Variants in CCNI2 observed in about 807,000 individuals in gnomAD.
CCNI2 encodes cyclin I family member 2, also known as cyclin-I2.
CCNI2 carries 32 observed loss-of-function variants against 33.2 expected under a neutral mutation model. The observed-to-expected ratio is 0.96, with a 90% CI of 0.73 to 1.30. The LOEUF (loss-of-function observed/expected upper bound fraction) is 1.30, where lower values mean the gene tolerates loss of function less well. Ranked by LOEUF, CCNI2 falls within the 50% of genes most tolerant of loss-of-function variation. The probability of loss-of-function intolerance (pLI) is 0.00; values close to 1 mark genes in which losing one functional copy is unlikely to be tolerated. For synonymous variants in CCNI2, 231 were observed against 219.9 expected (o/e 1.05, Z -0.45); for missense variants, 452 against 486.2 (o/e 0.93, Z 0.66).
Position 132,752,114 on chromosome 5 carries a change from C to T in CCNI2, c.923C>T (p.Ala308Val). The T allele has an allele frequency of 1.3e-6, 2 of 1,598,672 alleles. No individual in the cohort carries two copies. The highest frequency in any genetic ancestry group is 1.7e-6 in the Non-Finnish European group (2 of 1,172,224). ...CTGCAGTTCAAGGGCTCCACACTGGCCTTGGTCATCATCACCTTAGAGCTG... is the reference window on the plus strand; with the variant it reads ...CTGCAGTTCAAGGGCTCCACACTGGTCTTGGTCATCATCACCTTAGAGCTG... The part of the protein sequence containing the change: ...QLLQFKGSTL[A>V]LVIITLELER... Residue 308 changes from alanine (A) to valine (V), a missense_variant, in exon 5 of 6, where the codon GCC (alanine) becomes GTC (valine). Physicochemically the swap from Ala to Val is moderately conservative, Grantham distance 64. Transcript: ENST00000378731.
At chr5:132,748,059 G>A (rs933859250) in intron 1 of CCNI2, 135 bp downstream of exon 1, 3 of 1,037,068 alleles carry the variant, frequency 2.9e-6, no homozygotes, top group South Asian at 3.9e-5. Context: ...CGAGAGGCAC[G>A]AGGCTGGATC....
chr5:132,750,736 T>C (rs1561726443), intron 3 of CCNI2, 121 bp from the exon 4 acceptor site: 3 of 996,420 alleles, frequency 3.0e-6, no homozygotes, highest in Admixed American at 5.0e-5. Flanking sequence ...AAGCATTTTC[T>C]GTGGCAGGCC....
chr5:132,748,456 G>T lies in CCNI2; in HGVS notation c.539G>T (p.Arg180Leu), dbSNP rs201156649. The change falls in exon 2 of 6, where the codon CGC becomes CTC. Residue 180 changes from arginine to leucine, a missense_variant. Coordinates refer to ENST00000378731, the MANE Select transcript of CCNI2 (RefSeq NM_001039780.4). Reference protein sequence around the residue: ...TFNLALTIFGRLLISVKVKEK... With the variant: ...TFNLALTIFGLLLISVKVKEK... ...AACCTGGCCCTCACCATCTTTGGCC[G>T]CCTCCTGATTTCAGTGAAGGTAGGG... 4 of 1,614,108 alleles carry T rather than the reference G, an allele frequency of 2.5e-6. No homozygotes were observed. In the East Asian group the frequency reaches 6.7e-5, roughly 27 times the overall value.
intron 4 of CCNI2, 111 bp downstream of exon 4, chr5:132,751,108 C>A (rs765926958): frequency 3.0e-5 from 37 of 1,253,422 alleles, no homozygotes; most frequent in Non-Finnish European, 4.1e-5. Context: ...CTTGCACATG[C>A]ACCACAGTGA....
downstream of CCNI2, among the ~76,000 whole-genome samples, chr5:132,755,286 C>T (rs1489685375): frequency 6.6e-6 from 1 of 152,158 alleles, no homozygotes; most frequent in Non-Finnish European, 1.5e-5. Context: ...TTCTTTTCAC[C>T]AGTCTGCTCT....
In CCNI2 at chr5:132,747,803, C is replaced by G; in HGVS notation, c.308C>G (p.Pro103Arg). The G allele has an allele frequency of 6.8e-7, 1 of 1,478,764 alleles. No individual in the cohort carries two copies. The highest frequency in any genetic ancestry group is 8.9e-7 in the Non-Finnish European group (1 of 1,122,502). 91.6% of individuals were successfully genotyped at this position (1,478,764 alleles called of 1,614,324 possible). A position where few individuals can be genotyped will look rare whatever the true frequency, so the allele number is the denominator to read the frequency against. ...GCCGCCCCAGAGCAAGCTCCGCGGC[C>G]GGCTCCACAGTCCCGCAAGCCGCGC... is the stretch of plus-strand genomic sequence containing the variant. ...PAAAPEQAPR[P>R]APQSRKPRNL... Residue 103 changes from proline to arginine, a missense_variant, in exon 1 of 6, where the codon CCG (proline) becomes CGG (arginine). Pro to Arg is a moderately radical substitution (Grantham distance 103). Transcript: ENST00000378731. This position sits in a 1 kb window ranked among gnomAD's most constrained non-coding sequence, Gnocchi z 4.1.
At position 132,754,324 on chromosome 5, in the gene CCNI2, T is replaced by C. The variant is rs1755139119; in HGVS notation, c.*1354T>C. On this transcript the variant is annotated 3_prime_UTR_variant, in exon 6 of 6. Coordinates refer to ENST00000378731, the MANE Select transcript of CCNI2 (RefSeq NM_001039780.4). ...AGGCCATGCTGCTCACAGCTTCCAG[T>C]GGTGGCCGTTGAGTGCCCTCTGCCT... 1 of 699,328 alleles carries C rather than the reference T, an allele frequency of 1.4e-6. No homozygotes were observed. Among genetic ancestry groups the C allele is most frequent in the Non-Finnish European group, 2.7e-6 (1 of 375,856 alleles). The allele number at this position is 699,328 out of a possible 1,614,324, so 43.3% of individuals were successfully genotyped here.
At position 132,748,485 on chromosome 5, in the gene CCNI2, C is replaced by T. The variant is rs1483915952; in HGVS notation, c.558+10C>T. ...CCTGATTTCAGTGAAGGTAGGGAGG[C>T]CTCTGAGGGACGGTGGCAGATGGTG... On this transcript the variant is annotated intron_variant, in intron 2 of 5. Coordinates refer to ENST00000378731, the MANE Select transcript of CCNI2 (RefSeq NM_001039780.4). 1.9e-6 allele frequency: 3 copies of T among 1,613,804 alleles called. No homozygotes were observed. The highest frequency in any genetic ancestry group is 2.5e-6 in the Non-Finnish European group (3 of 1,179,820).
intron 4 of CCNI2, chr5:132,751,344 C>CTAA (rs1432058682): frequency 9.2e-6 from 2 of 217,338 alleles, no homozygotes; most frequent in African/African-American, 4.6e-5. Flanking sequence ...CTACACTTTA[C>CTAA]ACACATTCAC....
rs890476605 is a variant in CCNI2 at position 132,747,849 on chromosome 5, C to A, written c.354C>A (p.Asp118Glu). The stretch of plus-strand genomic sequence containing the variant: ...CGCGCAACCTGGAAGGCGACCTGGA[C>A]GAGCGCCGGCTGCTCTGCCACTTGC... ...RKPRNLEGDLDERRLLCHLQL... is the reference protein window; with the variant it reads ...RKPRNLEGDLEERRLLCHLQL... Residue 118 changes from aspartate to glutamate, a missense_variant, in exon 1 of 6, where the codon GAC (aspartate) becomes GAA (glutamate). Coordinates refer to ENST00000378731, the MANE Select transcript of CCNI2 (RefSeq NM_001039780.4). This position sits in a 1 kb window ranked among gnomAD's most constrained non-coding sequence, Gnocchi z 4.1. 24 of 1,472,584 alleles carry A rather than the reference C, an allele frequency of 1.6e-5. No individual in the cohort carries two copies. Among genetic ancestry groups the A allele is most frequent in the Non-Finnish European group, 2.1e-5 (24 of 1,119,504 alleles). The allele number at this position is 1,472,584 out of a possible 1,614,324, so 91.2% of individuals were successfully genotyped here.
At chr5:132,754,475 G>A (rs1383182615), downstream of CCNI2, 4 of 717,470 alleles carry the variant, frequency 5.6e-6, no homozygotes, top group Admixed American at 6.0e-5. Context: ...TAACCAGGTG[G>A]CTATGGATGT....
intron 5 of CCNI2, 115 bp from the exon 6 acceptor site, chr5:132,752,751 T>C (rs1754962115): frequency 1.3e-6 from 1 of 751,732 alleles, no homozygotes; most frequent in African/African-American, 1.7e-5. Context: ...TGGTCCTTAG[T>C]TGGGTGGTTG....
In CCNI2 at chr5:132,753,770, CCA is replaced by C. The variant is rs1755065400; in HGVS notation, c.*803_*804del. 1 of 152,390 alleles carries C rather than the reference CCA, an allele frequency of 6.6e-6. No homozygotes were observed. The highest frequency in any genetic ancestry group is 1.5e-5 in the Non-Finnish European group (1 of 68,248). The allele number at this position is 152,390 out of a possible 1,614,324, so 9.4% of individuals were successfully genotyped here. On this transcript the variant is annotated 3_prime_UTR_variant, in exon 6 of 6. Transcript: ENST00000378731. ...GGTTCTGAGGCCAAGCCTGCTCCAA[CCA>C]CAGTGCTGCCAGGAGGAGGAGCCGG...
In CCNI2 at chr5:132,747,466, G is replaced by T; in HGVS notation, c.-30G>T. 1 of 1,415,216 alleles carries T rather than the reference G, an allele frequency of 7.1e-7. No homozygotes were observed. The highest frequency in any genetic ancestry group is 2.0e-4 in the Middle Eastern group (1 of 4,900). The allele number at this position is 1,415,216 out of a possible 1,614,324, so 87.7% of individuals were successfully genotyped here. On this transcript the variant is annotated 5_prime_UTR_variant, in exon 1 of 6. Transcript: ENST00000378731. The surrounding 1 kb of genome is among the most constrained non-coding windows in gnomAD (Gnocchi z 4.1). Reference sequence around the variant, plus strand: ...GGGTTATAAAATGCCGGGTTAAGCGGCAACTCAGACTCAGGATCCCGCTCA... The same window carrying T: ...GGGTTATAAAATGCCGGGTTAAGCGTCAACTCAGACTCAGGATCCCGCTCA...
Position 132,753,235 on chromosome 5 carries a change from G to A in CCNI2, c.*265G>A, listed in dbSNP as rs1159616251. On this transcript the variant is annotated 3_prime_UTR_variant, in exon 6 of 6. Coordinates refer to ENST00000378731, the MANE Select transcript of CCNI2 (RefSeq NM_001039780.4). ...TCTCCTCTGGGCCTGAAGCCAGGGAGTATGAATGAATGTTCAAATGGCAGC... is the reference window on the plus strand; with the variant it reads ...TCTCCTCTGGGCCTGAAGCCAGGGAATATGAATGAATGTTCAAATGGCAGC... 6.7e-6 allele frequency: 3 copies of A among 450,820 alleles called. No homozygotes were observed. The highest frequency in any genetic ancestry group is 5.8e-5 in the African/African-American group (3 of 51,752). 27.9% of individuals were successfully genotyped at this position (450,820 alleles called of 1,614,324 possible). A position where few individuals can be genotyped will look rare whatever the true frequency, so the allele number is the denominator to read the frequency against.
chr5:132,748,437 GCCCTCA>G lies in CCNI2; in HGVS notation c.523_528del (p.Leu175_Thr176del). On this transcript the variant is annotated inframe_deletion, in exon 2 of 6. Coordinates refer to ENST00000378731, the MANE Select transcript of CCNI2 (RefSeq NM_001039780.4). ...CTTCTCCCAGTCCACTTTTAACCTG[GCCCTCA>G]CCATCTTTGGCCGCCTCCTGATTTC... 1 of 1,614,174 alleles carries G rather than the reference GCCCTCA, an allele frequency of 6.2e-7. No homozygotes were observed. Among genetic ancestry groups the G allele is most frequent in the Non-Finnish European group, 8.5e-7 (1 of 1,180,016 alleles).
chr5:132,754,286 G>C lies in CCNI2; in HGVS notation c.*1316G>C, dbSNP rs1458190079. The C allele has an allele frequency of 1.5e-6, 1 of 651,706 alleles. No homozygotes were observed. The highest frequency in any genetic ancestry group is 1.8e-5 in the African/African-American group (1 of 55,354). The allele number at this position is 651,706 out of a possible 1,614,324, so 40.4% of individuals were successfully genotyped here. A position where few individuals can be genotyped will look rare whatever the true frequency, so the allele number is the denominator to read the frequency against. ...CCTCTAGTCCAGAACCCATTTTACA[G>C]ATGGAGATGCTGAGGCCATGCTGCT... On this transcript the variant is annotated 3_prime_UTR_variant, in exon 6 of 6. Coordinates refer to ENST00000378731, the MANE Select transcript of CCNI2 (RefSeq NM_001039780.4).
chr5:132,747,719 C>T lies in CCNI2; in HGVS notation c.224C>T (p.Pro75Leu). The T allele has an allele frequency of 6.7e-7, 1 of 1,485,558 alleles. No individual in the cohort carries two copies. The highest frequency in any genetic ancestry group is 8.9e-7 in the Non-Finnish European group (1 of 1,125,626). The allele number at this position is 1,485,558 out of a possible 1,614,324, so 92.0% of individuals were successfully genotyped here. ...ASLHAASAAV[P>L]VRPRRGTAPA... is the part of the protein sequence containing the mutation. ...CTCCACGCGGCGTCCGCAGCAGTCC[C>T]CGTGCGGCCCCGGCGCGGTACGGCG... The change falls in exon 1 of 6, where the codon CCC becomes CTC. Residue 75 changes from proline (P) to leucine (L), a missense_variant. By Grantham distance (98) the Pro-to-Leu change is moderately conservative. Coordinates refer to ENST00000378731, the MANE Select transcript of CCNI2 (RefSeq NM_001039780.4). This position sits in a 1 kb window ranked among gnomAD's most constrained non-coding sequence, Gnocchi z 4.1.
At position 132,747,956 on chromosome 5, in the gene CCNI2, G is replaced by A; in HGVS notation, c.429+32G>A. 1 of 1,358,914 alleles carries A rather than the reference G, an allele frequency of 7.4e-7. No individual in the cohort carries two copies. The highest frequency in any genetic ancestry group is 9.4e-7 in the Non-Finnish European group (1 of 1,062,112). The allele number at this position is 1,358,914 out of a possible 1,614,324, so 84.2% of individuals were successfully genotyped here. On this transcript the variant is annotated intron_variant, in intron 1 of 5. Coordinates refer to ENST00000378731, the MANE Select transcript of CCNI2 (RefSeq NM_001039780.4). The surrounding 1 kb of genome is among the most constrained non-coding windows in gnomAD (Gnocchi z 4.1). ...GTCGCTGCCGCGTGGCCCTCCTCGC[G>A]CGTGCACGGCAGGCGGATGTGGCCT...
Sources: allele counts gnomAD v4.1 joint callset (sites outside exome capture counted in the v4.1 genomes callset), GRCh38; gene constraint gnomAD v4.1.1; non-coding constraint Gnocchi (gnomAD v3.1); transcripts MANE v1.5; gene names NCBI Gene and HGNC (gene_info 2026-07-23, HGNC 2026-07-21).